CCT2: variants seen among roughly 807,000 people sequenced by gnomAD.
CCT2 encodes T-complex protein 1 subunit beta.
In CCT2, 18 loss-of-function variants were observed where a neutral mutation model predicts 61.8. The ratio of observed to expected loss-of-function variants is 0.29; its 90% CI spans 0.20 to 0.43. The LOEUF (loss-of-function observed/expected upper bound fraction) is 0.43. Among genes scored for constraint, CCT2 ranks in the 20% least tolerant of loss-of-function variants. CCT2 has a pLI of 1.00. For synonymous variants in CCT2, 248 were observed against 215.9 expected (o/e 1.15, Z -1.30); for missense variants, 556 against 656.9 (o/e 0.85, Z 1.68).
chr12:69,588,608 C>T (rs1267009182), intron 6 of CCT2, among the ~76,000 whole-genome samples: 1 of 152,176 alleles, frequency 6.6e-6, no homozygotes, highest in Non-Finnish European at 1.5e-5. Context: ...GAATATTTGG[C>T]TAGAATGACT....
intron 15 of CCT2, among the ~76,000 whole-genome samples, 186 bp from the exon 16 acceptor site, chr12:69,601,109 A>G (rs1214136856): frequency 6.6e-6 from 1 of 152,154 alleles, no homozygotes; most frequent in Non-Finnish European, 1.5e-5. Flanking sequence ...TAAAAGCCCA[A>G]CTTCCAATAC....
intron 10 of CCT2, among the ~76,000 whole-genome samples, chr12:69,594,828 A>G (rs1881939935): frequency 6.7e-6 from 1 of 149,938 alleles, no homozygotes; most frequent in African/African-American, 2.5e-5. Context: ...CCTAAGTGAC[A>G]GAGCAAGACC....
At chr12:69,586,949 T>C (rs1881682810) in intron 3 of CCT2, 131 bp downstream of exon 3, 3 of 569,284 alleles carry the variant, frequency 5.3e-6, no homozygotes, top group Admixed American at 3.5e-5. Context: ...ATGTTCTCCT[T>C]AGTAAAAATC....
At chr12:69,599,672 C>T in intron 14 of CCT2, 191 bp from the exon 15 acceptor site, 1 of 387,754 alleles carries the variant, frequency 2.6e-6, no homozygotes, top group Non-Finnish European at 4.6e-6. Context: ...CAGATGTGAG[C>T]CGCTGCACCC....
intron 7 of CCT2, among the ~76,000 whole-genome samples, chr12:69,591,802 C>G (rs944829083): frequency 6.6e-6 from 1 of 152,128 alleles, no homozygotes; most frequent in Non-Finnish European, 1.5e-5. Context: ...AAGCCCCTTC[C>G]TCCTCCCTCT....
chr12:69,586,487 G>C, intron 2 of CCT2, 143 bp downstream of exon 2: 2 of 664,574 alleles, frequency 3.0e-6, no homozygotes, highest in Non-Finnish European at 2.6e-6. Flanking sequence ...GGCCAACATG[G>C]TAAAACCCCG....
chr12:69,601,386 C>CAAAG lies in CCT2; in HGVS notation c.*61_*62insAAAG. 1 of 1,613,578 alleles carries CAAAG rather than the reference C, an allele frequency of 6.2e-7. No homozygotes were observed. Among genetic ancestry groups the CAAAG allele is most frequent in the Non-Finnish European group, 8.5e-7 (1 of 1,179,704 alleles). On this transcript the variant is annotated 3_prime_UTR_variant, in exon 16 of 16. Transcript: ENST00000299300. ...CTAGCAAAGTTGTGTTTGAAAGATA[C>CAAAG]TCTATTAAAGAAGACTGTGGAATCT...
intron 6 of CCT2, among the ~76,000 whole-genome samples, chr12:69,588,937 T>G (rs542869596): frequency 6.6e-6 from 1 of 152,262 alleles, no homozygotes; most frequent in Non-Finnish European, 1.5e-5. Flanking sequence ...TTTATTTATT[T>G]ATTTTGAGAC....
At chr12:69,599,596 A>G (rs1593102343) in intron 14 of CCT2, 1 of 198,392 alleles carries the variant, frequency 5.0e-6, no homozygotes, top group East Asian at 1.1e-4. Context: ...CATGTTTGCC[A>G]GGCTGGTCTC....
chr12:69,601,543 T>A lies in CCT2; in HGVS notation c.*218T>A. The A allele has an allele frequency of 7.4e-7, 1 of 1,350,722 alleles. No homozygotes were observed. The highest frequency in any genetic ancestry group is 9.6e-7 in the Non-Finnish European group (1 of 1,041,518). The allele number at this position is 1,350,722 out of a possible 1,614,324, so 83.7% of individuals were successfully genotyped here. A position where few individuals can be genotyped will look rare whatever the true frequency, so the allele number is the denominator to read the frequency against. ...TTAAAAAAGTTCATTTCTCATACTGTGCATTAAAATAAAAATTTGAACAAT... is the reference window on the plus strand; with the variant it reads ...TTAAAAAAGTTCATTTCTCATACTGAGCATTAAAATAAAAATTTGAACAAT... On this transcript the variant is annotated 3_prime_UTR_variant, in exon 16 of 16. Coordinates refer to ENST00000299300, the MANE Select transcript of CCT2 (RefSeq NM_006431.3).
chr12:69,594,919 T>G (rs1881943521), intron 10 of CCT2, among the ~76,000 whole-genome samples: 1 of 152,156 alleles, frequency 6.6e-6, no homozygotes, highest in African/African-American at 2.4e-5. Context: ...GTTTATTAAA[T>G]TTTTACAGAT....
At chr12:69,590,715 A>ATTT (rs1490707249) in intron 7 of CCT2, among the ~76,000 whole-genome samples, 1 of 109,940 alleles carries the variant, frequency 9.1e-6, no homozygotes, top group Admixed American at 1.1e-4. Context: ...GCTGTGTAGC[A>ATTT]TTTCTTTTTT....
chr12:69,586,734 T>C lies in CCT2; in HGVS notation c.79-19T>C. On this transcript the variant is annotated intron_variant, in intron 2 of 15. Coordinates refer to ENST00000299300, the MANE Select transcript of CCT2 (RefSeq NM_006431.3). ...GACTGTAAAGTTGATTCTGATAATCTCCTTGGTTTTTACTCCAGACTTCTT... is the reference window on the plus strand; with the variant it reads ...GACTGTAAAGTTGATTCTGATAATCCCCTTGGTTTTTACTCCAGACTTCTT... 1 of 1,557,782 alleles carries C rather than the reference T, an allele frequency of 6.4e-7. No individual in the cohort carries two copies. The highest frequency in any genetic ancestry group is 8.7e-7 in the Non-Finnish European group (1 of 1,145,174).
rs1293403577 is a variant in CCT2 at position 69,597,187 on chromosome 12, A to G, written c.1014A>G (p.Pro338=). ...AAATTGCCTCTACCTTTGATCACCCAGAACTGGTGAAGCTTGGAAGTTGCA... is the reference window on the plus strand; with the variant it reads ...AAATTGCCTCTACCTTTGATCACCCGGAACTGGTGAAGCTTGGAAGTTGCA... ...GGEIASTFDH[P]ELVKLGSCKL... The change falls in exon 11 of 16, where the codon CCA becomes CCG. Residue 338 remains proline, a synonymous_variant. Coordinates refer to ENST00000299300, the MANE Select transcript of CCT2 (RefSeq NM_006431.3). 2.5e-6 allele frequency: 4 copies of G among 1,613,726 alleles called. No homozygotes were observed. Among genetic ancestry groups the G allele is most frequent in the Non-Finnish European group, 3.4e-6 (4 of 1,179,730 alleles).
rs766123831 is a variant in CCT2 at position 69,586,280 on chromosome 12, C to G, written c.14C>G (p.Ser5Cys). 1.9e-6 allele frequency: 3 copies of G among 1,613,022 alleles called. No homozygotes were observed. The highest frequency in any genetic ancestry group is 1.7e-5 in the Admixed American group (1 of 60,002). Residue 5 changes from serine (S) to cysteine (C), a missense_variant, in exon 2 of 16, where the codon TCC becomes TGC. By Grantham distance (112) the Ser-to-Cys change is moderately radical (BLOSUM62 -1). Around this residue, in one of 3 missense-constraint regions of CCT2, gnomAD observed 308 missense variants for 350.6 expected, o/e 0.88. Transcript: ENST00000299300. ...GGTTTTCCTTTTCAGGCGTCCCTTTCCCTTGCACCTGTTAACATCTTTAAG... is the reference window on the plus strand; with the variant it reads ...GGTTTTCCTTTTCAGGCGTCCCTTTGCCTTGCACCTGTTAACATCTTTAAG... MASLSLAPVNIFKAG... is the reference protein window; with the variant it reads MASLCLAPVNIFKAG...
rs201295125 is a variant in CCT2 at position 69,593,516 on chromosome 12, A to G, written c.885A>G (p.Leu295=). ...TCATGTATTTTATTTACAGGCAATTAATTTATAATTATCCTGAACAGCTCT... is the reference window on the plus strand; with the variant it reads ...TCATGTATTTTATTTACAGGCAATTGATTTATAATTATCCTGAACAGCTCT... ...HGINCFINRQ[L]IYNYPEQLFG... Residue 295 remains leucine, a synonymous_variant, in exon 10 of 16, where the codon TTA becomes TTG. Transcript: ENST00000299300. 42 of 1,597,810 alleles carry G rather than the reference A, an allele frequency of 2.6e-5. No homozygotes were observed. Among genetic ancestry groups the G allele is most frequent in the Non-Finnish European group, 3.6e-5 (42 of 1,167,442 alleles).
At position 69,597,628 on chromosome 12, in the gene CCT2, T is replaced by C. The variant is rs747401103; in HGVS notation, c.1103-10T>C. Reference sequence around the variant, plus strand: ...TATCCCTAAGTGGTCACTGTGTCTTTTAATTTTAGGTGAGGCTTGTACCAT... The same window carrying C: ...TATCCCTAAGTGGTCACTGTGTCTTCTAATTTTAGGTGAGGCTTGTACCAT... On this transcript the variant is annotated splice_polypyrimidine_tract_variant and intron_variant, in intron 11 of 15. Coordinates refer to ENST00000299300, the MANE Select transcript of CCT2 (RefSeq NM_006431.3). 7 of 1,609,278 alleles carry C rather than the reference T, an allele frequency of 4.3e-6. No homozygotes were observed. The highest frequency in any genetic ancestry group is 1.7e-4 in the Middle Eastern group (1 of 6,026).
intron 2 of CCT2, 127 bp from the exon 3 acceptor site, chr12:69,586,626 C>T: frequency 1.4e-6 from 1 of 719,192 alleles, no homozygotes; most frequent in Non-Finnish European, 2.4e-6. Flanking sequence ...TGAGATCGCG[C>T]CATTGCACTC....
At chr12:69,585,966 C>A (rs1191531398) in intron 1 of CCT2, 3 of 1,300,334 alleles carry the variant, frequency 2.3e-6, no homozygotes, top group Non-Finnish European at 2.9e-6. Context: ...GCCTGCAACC[C>A]CTCCCTGCCT....
Sources: allele counts gnomAD v4.1 joint callset (sites outside exome capture counted in the v4.1 genomes callset), GRCh38; gene constraint gnomAD v4.1.1; regional missense constraint gnomAD v4.1.1; transcripts MANE v1.5; gene names NCBI Gene and HGNC (gene_info 2026-07-23, HGNC 2026-07-21).